ADGRB3: variants seen among roughly 807,000 people sequenced by gnomAD.
ADGRB3 encodes the protein adhesion G protein-coupled receptor B3.
A neutral mutation model predicts 193.4 loss-of-function variants in ADGRB3; 37 were observed. That is an observed-to-expected ratio of 0.19 (90% CI 0.15 to 0.25). The LOEUF (loss-of-function observed/expected upper bound fraction) is 0.25. Ranked by LOEUF, ADGRB3 falls within the 10% of genes least tolerant of loss-of-function variation. ADGRB3 has a pLI of 1.00. For synonymous variants in ADGRB3, 690 were observed against 644.2 expected (o/e 1.07, Z -1.08); for missense variants, 1,637 against 1,852.9 (o/e 0.88, Z 2.14).
chr6:68,857,062 A>G (rs1765008849), intron 3 of ADGRB3, among the ~76,000 whole-genome samples: 1 of 152,220 alleles, frequency 6.6e-6, no homozygotes, highest in Non-Finnish European at 1.5e-5. Context: ...ACAGAAGTCA[A>G]CTATTGAGGT....
intron 16 of ADGRB3, among the ~76,000 whole-genome samples, chr6:69,071,229 T>A (rs1772070230): frequency 6.6e-6 from 1 of 152,166 alleles, no homozygotes; most frequent in African/African-American, 2.4e-5. Context: ...GTTGAGTATT[T>A]CCTTAAAAAG....
At chr6:68,641,382 G>T (rs1768079517) in intron 3 of ADGRB3, among the ~76,000 whole-genome samples, 1 of 152,102 alleles carries the variant, frequency 6.6e-6, no homozygotes, top group Non-Finnish European at 1.5e-5. Flanking sequence ...TTTTGTAAGT[G>T]AAGACAAATA....
At chr6:68,957,750 C>G (rs1411132101) in intron 8 of ADGRB3, among the ~76,000 whole-genome samples, 1 of 152,122 alleles carries the variant, frequency 6.6e-6, no homozygotes, top group African/African-American at 2.4e-5. Flanking sequence ...CTTAGAAGAA[C>G]CAAGGTATTC....
intron 17 of ADGRB3, among the ~76,000 whole-genome samples, chr6:69,230,106 A>G (rs1278389587): frequency 1.3e-5 from 2 of 152,098 alleles, no homozygotes; most frequent in South Asian, 2.1e-4. Context: ...ACATTTGAAA[A>G]CCATTTGGGA....
intron 20 of ADGRB3, among the ~76,000 whole-genome samples, chr6:69,306,853 A>C (rs1293290741): frequency 6.6e-6 from 1 of 151,458 alleles, no homozygotes; most frequent in East Asian, 1.9e-4. Flanking sequence ...TGGAACATGA[A>C]AAGGTGTATC....
At chr6:69,017,980 C>A (rs2150287012) in intron 12 of ADGRB3, among the ~76,000 whole-genome samples, 1 of 151,918 alleles carries the variant, frequency 6.6e-6, no homozygotes, top group South Asian at 2.1e-4. Context: ...TTGTAAATAT[C>A]TTCATGGTGG....
chr6:68,790,258 TG>T (rs201526551), intron 3 of ADGRB3, among the ~76,000 whole-genome samples: 2,994 of 152,150 alleles, frequency 0.02, 94 homozygotes, highest in African/African-American at 0.068. Context: ...GCAGGGAGGC[TG>T]GGGGAGGGGT....
In ADGRB3 at chr6:68,858,549, T is replaced by C. The variant is rs1377551764; in HGVS notation, c.758-72010T>C. Among the ~76,000 whole-genome samples, 3 of 139,274 alleles carry C rather than the reference T, an allele frequency of 2.2e-5. No homozygotes were observed. The Admixed American group carries it at 2.2e-4, about 10-fold the overall frequency. The allele number at this position is 139,274 out of a possible 152,430, so 91.4% of individuals were successfully genotyped here. A position where few individuals can be genotyped will look rare whatever the true frequency, so the allele number is the denominator to read the frequency against. ...TTGAGGCTGCAGTGAGCCATGATCATGTCACTGCACTCCAGACTGAGTGAC... is the reference window on the plus strand; with the variant it reads ...TTGAGGCTGCAGTGAGCCATGATCACGTCACTGCACTCCAGACTGAGTGAC... On this transcript the variant is annotated intron_variant, in intron 3 of 31. Coordinates refer to ENST00000370598, the MANE Select transcript of ADGRB3 (RefSeq NM_001704.3).
intron 3 of ADGRB3, among the ~76,000 whole-genome samples, chr6:68,872,371 G>A (rs9363972): frequency 0.012 from 1,753 of 151,676 alleles, 69 homozygotes; most frequent in East Asian, 0.078. Flanking sequence ...TAGAAAATAT[G>A]GGGAAAGTGA....
intron 17 of ADGRB3, among the ~76,000 whole-genome samples, chr6:69,105,276 A>G (rs1225392914): frequency 1.3e-5 from 2 of 152,064 alleles, no homozygotes; most frequent in East Asian, 1.9e-4. Flanking sequence ...CAGCCTCTAA[A>G]ATTTCCAGGG....
rs115689871 is a variant in ADGRB3 at position 68,802,572 on chromosome 6, A to G, written c.758-127987A>G. ...AATCTTGTGAAGAATAGCATGGTATAACAAACTTCAAAGTGTATGTGTTTA... is the reference window on the plus strand; with the variant it reads ...AATCTTGTGAAGAATAGCATGGTATGACAAACTTCAAAGTGTATGTGTTTA... On this transcript the variant is annotated intron_variant, in intron 3 of 31. Coordinates refer to ENST00000370598, the MANE Select transcript of ADGRB3 (RefSeq NM_001704.3). Among the ~76,000 whole-genome samples, 1,283 of 152,288 alleles carry G rather than the reference A, an allele frequency of 8.4e-3. 18 individuals are homozygous for G. The highest frequency in any genetic ancestry group is 0.029 in the African/African-American group (1,220 of 41,556).
At chr6:68,721,770 G>A (rs1363894264) in intron 3 of ADGRB3, among the ~76,000 whole-genome samples, 1 of 149,668 alleles carries the variant, frequency 6.7e-6, no homozygotes, top group Non-Finnish European at 1.5e-5. Flanking sequence ...ACTTTAAATG[G>A]GTATATATGC....
At chr6:68,689,335 GC>G (rs1765033752) in intron 3 of ADGRB3, among the ~76,000 whole-genome samples, 1 of 152,092 alleles carries the variant, frequency 6.6e-6, no homozygotes, top group Non-Finnish European at 1.5e-5. Flanking sequence ...TCCTGTTGGA[GC>G]CTCCTGACTC....
chr6:68,758,334 T>C (rs576893612), intron 3 of ADGRB3, among the ~76,000 whole-genome samples: 2 of 152,204 alleles, frequency 1.3e-5, no homozygotes, highest in South Asian at 4.1e-4. Context: ...AGAATCATTA[T>C]CATCATCATC....
At chr6:69,019,441 AT>A (rs568104166) in intron 13 of ADGRB3, among the ~76,000 whole-genome samples, 5 of 151,488 alleles carry the variant, frequency 3.3e-5, no homozygotes, top group Non-Finnish European at 7.4e-5. Flanking sequence ...AGAGAACATA[AT>A]TTTTTTTTAT....
intron 17 of ADGRB3, among the ~76,000 whole-genome samples, chr6:69,177,337 C>A (rs1192854117): frequency 6.6e-6 from 1 of 151,650 alleles, no homozygotes; most frequent in African/African-American, 2.4e-5. Flanking sequence ...GTCTGTTTTT[C>A]TTTATTTCAA....
chr6:68,851,342 G>A (rs1768398110), intron 3 of ADGRB3, among the ~76,000 whole-genome samples: 1 of 151,522 alleles, frequency 6.6e-6, no homozygotes, highest in South Asian at 2.1e-4. Context: ...GACACTGTTG[G>A]TAATATTTTT....
intron 16 of ADGRB3, among the ~76,000 whole-genome samples, chr6:69,075,357 G>GA (rs777231123): frequency 6.6e-6 from 1 of 152,250 alleles, no homozygotes; most frequent in Non-Finnish European, 1.5e-5. Context: ...AATGCAGTGT[G>GA]AAAAATCCAT....
intron 17 of ADGRB3, among the ~76,000 whole-genome samples, chr6:69,120,201 T>C (rs1284955543): frequency 1.3e-5 from 2 of 152,224 alleles, no homozygotes; most frequent in African/African-American, 4.8e-5. Flanking sequence ...TTCTTTAAAG[T>C]CTGGAGGTTA....
Sources: gnomAD v4.1 joint callset for allele counts (sites outside exome capture counted in the v4.1 genomes callset) on GRCh38, gnomAD v4.1.1 for gene constraint, MANE v1.5 for transcripts, NCBI Gene and HGNC (gene_info 2026-07-23, HGNC 2026-07-21) for gene names.